Variants in WDR64 observed in about 807,000 individuals in gnomAD.
The protein encoded by WDR64 is WD repeat-containing protein 64.
A neutral mutation model predicts 139.3 loss-of-function variants in WDR64; 112 were observed. The ratio of observed to expected loss-of-function variants is 0.80; its 90% CI spans 0.69 to 0.94. The LOEUF (loss-of-function observed/expected upper bound fraction) is 0.94, where lower values mean the gene tolerates loss of function less well. WDR64 is among the 40% of genes least tolerant of loss of function. The pLI is 0.00. For missense variants in WDR64, 1,206 were observed against 1,293.1 expected (o/e 0.93, Z 1.03); for synonymous variants, 444 against 437.7 (o/e 1.01, Z -0.18).
intron 14 of WDR64, among the ~76,000 whole-genome samples, chr1:241,754,160 T>G (rs1670082603): frequency 6.6e-6 from 1 of 152,058 alleles, no homozygotes; most frequent in Non-Finnish European, 1.5e-5. Context: ...CAGGGAAATA[T>G]GATTAATTTA....
intron 2 of WDR64, among the ~76,000 whole-genome samples, chr1:241,661,962 C>T (rs562604484): frequency 4.7e-4 from 72 of 152,306 alleles, no homozygotes; most frequent in Non-Finnish European, 8.4e-4. Context: ...GCTGAATGGC[C>T]TGCAGGCCTA....
intron 23 of WDR64, among the ~76,000 whole-genome samples, chr1:241,785,751 G>C (rs114109548): frequency 3.9e-5 from 6 of 152,128 alleles, no homozygotes; most frequent in Admixed American, 3.9e-4. Context: ...CAGTTTCAAC[G>C]TTCTAAATCT....
intron 13 of WDR64, among the ~76,000 whole-genome samples, chr1:241,749,185 A>T (rs1040245814): frequency 6.6e-6 from 1 of 152,170 alleles, no homozygotes; most frequent in Non-Finnish European, 1.5e-5. Context: ...TAGTCGTGGC[A>T]TGGTAGCGAA....
chr1:241,783,701 A>G (rs1317449739), intron 23 of WDR64, among the ~76,000 whole-genome samples: 1 of 152,240 alleles, frequency 6.6e-6, no homozygotes, highest in Non-Finnish European at 1.5e-5. Flanking sequence ...GACCCAAGTC[A>G]TAGAGGGGGG....
intron 15 of WDR64, 142 bp from the exon 16 acceptor site, chr1:241,766,076 A>G (rs1056568137): frequency 1.4e-5 from 11 of 762,274 alleles, no homozygotes; most frequent in Admixed American, 7.3e-5. Context: ...AGATTTTACT[A>G]AATTTCATGC....
intron 6 of WDR64, among the ~76,000 whole-genome samples, chr1:241,682,805 C>G (rs570718121): frequency 6.6e-6 from 1 of 152,334 alleles, no homozygotes; most frequent in South Asian, 2.1e-4. Context: ...TATCAGAGCA[C>G]TATAATTTAT....
intron 9 of WDR64, among the ~76,000 whole-genome samples, chr1:241,720,832 C>T (rs1358239522): frequency 6.6e-6 from 1 of 152,104 alleles, no homozygotes; most frequent in Non-Finnish European, 1.5e-5. Context: ...GCTTTTGTTG[C>T]CATTGCCTTT....
intron 15 of WDR64, among the ~76,000 whole-genome samples, chr1:241,757,726 C>T (rs189178618): frequency 1.4e-4 from 21 of 149,084 alleles, no homozygotes; most frequent in African/African-American, 5.2e-4. Context: ...TCAAGTGACC[C>T]TCCTGCCTCA....
chr1:241,728,921 C>A (rs1424340545), intron 10 of WDR64, among the ~76,000 whole-genome samples: 2 of 151,530 alleles, frequency 1.3e-5, no homozygotes, highest in African/African-American at 4.9e-5. Context: ...TACATTTTCA[C>A]TTTGGAAGTG....
chr1:241,784,823 A>G (rs1034530371), intron 23 of WDR64, among the ~76,000 whole-genome samples: 1 of 151,098 alleles, frequency 6.6e-6, no homozygotes, highest in African/African-American at 2.4e-5. Context: ...GCGTGGTGGC[A>G]TGAGCCTGTA....
intron 2 of WDR64, among the ~76,000 whole-genome samples, chr1:241,662,847 C>T (rs1342934988): frequency 1.3e-5 from 2 of 151,970 alleles, no homozygotes; most frequent in South Asian, 2.1e-4. Flanking sequence ...CACTAATCTT[C>T]GACACTTTAT....
At chr1:241,759,697 CT>C (rs549593689) in intron 15 of WDR64, among the ~76,000 whole-genome samples, 5 of 151,268 alleles carry the variant, frequency 3.3e-5, no homozygotes, top group Non-Finnish European at 5.9e-5. Context: ...CTTCACCTTT[CT>C]TTTTTTTTAA....
At chr1:241,790,725 ATGGCAACAACAAC>A in intron 25 of WDR64, 29 bp downstream of exon 25, 2 of 1,399,564 alleles carry the variant, frequency 1.4e-6, no homozygotes, top group Non-Finnish European at 2.0e-6. Flanking sequence ...AAAAAAAGAA[ATGGCAACAACAAC>A]AAAACCTTTG....
intron 8 of WDR64, among the ~76,000 whole-genome samples, chr1:241,688,952 T>C (rs1667110730): frequency 6.6e-6 from 1 of 152,124 alleles, no homozygotes; most frequent in Admixed American, 6.5e-5. Context: ...CCAGAACATG[T>C]TGTTCTTTCC....
chr1:241,740,943 C>G (rs79067556), intron 11 of WDR64, among the ~76,000 whole-genome samples: 1 of 152,356 alleles, frequency 6.6e-6, no homozygotes, highest in East Asian at 1.9e-4. Flanking sequence ...TGCTCCTCAT[C>G]TACTTCTACT....
chr1:241,771,949 T>TAC (rs1309134263), intron 19 of WDR64, among the ~76,000 whole-genome samples: 58 of 39,556 alleles, frequency 1.5e-3, no homozygotes, highest in Non-Finnish European at 2.0e-3. Flanking sequence ...TACATACATA[T>TAC]ATATATATAT....
At chr1:241,719,110 G>A (rs771472658) in intron 9 of WDR64, among the ~76,000 whole-genome samples, 5 of 152,032 alleles carry the variant, frequency 3.3e-5, no homozygotes, top group Non-Finnish European at 5.9e-5. Flanking sequence ...TCCAAGAAGT[G>A]AGAGCCTCTG....
At chr1:241,729,092 G>A (rs776988454) in intron 10 of WDR64, among the ~76,000 whole-genome samples, 1 of 152,038 alleles carries the variant, frequency 6.6e-6, no homozygotes, top group African/African-American at 2.4e-5. Flanking sequence ...ACTGTTAATG[G>A]TATCATTTGT....
Position 241,723,449 on chromosome 1 carries a change from A to G in WDR64, c.1194+13A>G, listed in dbSNP as rs555020438. On this transcript the variant is annotated intron_variant, in intron 10 of 27. Coordinates refer to ENST00000437684, the MANE Select transcript of WDR64 (RefSeq NM_001367482.1). Reference sequence around the variant, plus strand: ...TTCCTCTGCAAAGGTAACAAAAAGAAAATAACAAAACAAAACTAGTTTTTT... The same window carrying G: ...TTCCTCTGCAAAGGTAACAAAAAGAGAATAACAAAACAAAACTAGTTTTTT... 1.9e-6 allele frequency: 3 copies of G among 1,612,326 alleles called. No individual in the cohort carries two copies. The highest frequency in any genetic ancestry group is 1.7e-6 in the Non-Finnish European group (2 of 1,179,178).
Sources: allele counts gnomAD v4.1 joint callset (sites outside exome capture counted in the v4.1 genomes callset), GRCh38; gene constraint gnomAD v4.1.1; transcripts MANE v1.5; gene names NCBI Gene and HGNC (gene_info 2026-07-23, HGNC 2026-07-21).